Variants in MTHFS observed in about 807,000 individuals in gnomAD.
MTHFS encodes the protein methenyltetrahydrofolate synthetase, also known as 5-formyltetrahydrofolate cyclo-ligase.
A neutral mutation model predicts 12.7 loss-of-function variants in MTHFS; 7 were observed. The ratio of observed to expected loss-of-function variants is 0.55; its 90% CI spans 0.31 to 1.03. The LOEUF is 1.03. Among genes scored for constraint, MTHFS ranks in the 50% least tolerant of loss-of-function variants. MTHFS has a pLI of 0.05. For synonymous variants in MTHFS, 100 were observed against 97.1 expected (o/e 1.03, Z -0.18); for missense variants, 252 against 258.1 (o/e 0.98, Z 0.16).
intron 2 of MTHFS, among the ~76,000 whole-genome samples, chr15:79,868,433 G>T (rs1176210947): frequency 2.0e-5 from 3 of 152,174 alleles, no homozygotes; most frequent in Non-Finnish European, 2.9e-5. Flanking sequence ...ACTATGAAGG[G>T]TTTGGGGAAA....
In MTHFS at chr15:79,844,950, C is replaced by A; in HGVS notation, c.*260G>T. The A allele has an allele frequency of 2.0e-6, 1 of 502,890 alleles. No individual in the cohort carries two copies. Among genetic ancestry groups the A allele is most frequent in the Non-Finnish European group, 3.5e-6 (1 of 287,520 alleles). 31.2% of individuals were successfully genotyped at this position (502,890 alleles called of 1,614,324 possible). A position where few individuals can be genotyped will look rare whatever the true frequency, so the allele number is the denominator to read the frequency against. ...AACTTAAATTGCAAAGTAGACAGAT[C>A]AACTTGTCACATTAACACCAGGAAG... is the stretch of plus-strand genomic sequence containing the variant. On this transcript the variant is annotated 3_prime_UTR_variant, in exon 3 of 3. Coordinates refer to ENST00000258874, the MANE Select transcript of MTHFS (RefSeq NM_006441.4).
intron 2 of MTHFS, among the ~76,000 whole-genome samples, chr15:79,883,356 G>T (rs1423682214): frequency 1.3e-5 from 2 of 152,134 alleles, no homozygotes; most frequent in Non-Finnish European, 2.9e-5. Context: ...GGCACGCTTT[G>T]AATTCAAAAC....
chr15:79,870,086 G>A (rs930955174), intron 2 of MTHFS, among the ~76,000 whole-genome samples: 5 of 152,042 alleles, frequency 3.3e-5, no homozygotes, highest in Admixed American at 3.3e-4. Context: ...TATTAAATTT[G>A]GAAATCAAAA....
intron 1 of MTHFS, 65 bp downstream of exon 1, chr15:79,896,807 A>G (rs1484864384): frequency 4.6e-6 from 7 of 1,532,828 alleles, no homozygotes; most frequent in Non-Finnish European, 5.2e-6. Flanking sequence ...CAGATCAGCA[A>G]TCGCTGGCCG....
chr15:79,876,051 G>A (rs2034189846), intron 2 of MTHFS: 1 of 151,954 alleles, frequency 6.6e-6, no homozygotes, highest in Non-Finnish European at 1.5e-5. Context: ...TGTGCTAACT[G>A]GCTAAGAGCA....
chr15:79,876,739 C>G (rs2034203370), intron 2 of MTHFS: 1 of 151,592 alleles, frequency 6.6e-6, no homozygotes, highest in Non-Finnish European at 1.5e-5. Context: ...GTATCAAACT[C>G]TACAGTTGAA....
intron 2 of MTHFS, among the ~76,000 whole-genome samples, chr15:79,883,041 A>C (rs1294551920): frequency 1.3e-5 from 2 of 152,200 alleles, no homozygotes; most frequent in Non-Finnish European, 2.9e-5. Context: ...GTGTCTCTAC[A>C]AAAAATTTAA....
intron 1 of MTHFS, among the ~76,000 whole-genome samples, chr15:79,892,422 G>A (rs78648617): frequency 0.015 from 2,275 of 152,066 alleles, 20 homozygotes; most frequent in Non-Finnish European, 0.021. Flanking sequence ...TGTCAAAAAA[G>A]GAAAAATAAA....
intron 2 of MTHFS, 122 bp from the exon 3 acceptor site, chr15:79,845,564 A>C: frequency 7.6e-7 from 1 of 1,323,576 alleles, no homozygotes; most frequent in South Asian, 1.5e-5. Context: ...ATGTGTGACC[A>C]TTAATATCCA....
rs546509165 is a variant in MTHFS, at chr15:79,871,006, G to A, written c.379+18087C>T. Among the ~76,000 whole-genome samples the A allele has an allele frequency of 5.9e-5, 9 of 152,244 alleles. No individual in the cohort carries two copies. The East Asian group carries it at 1.7e-3, about 29-fold the overall frequency. On this transcript the variant is annotated intron_variant, in intron 2 of 2. Coordinates refer to ENST00000258874, the MANE Select transcript of MTHFS (RefSeq NM_006441.4). ...AAAATACAAAAAATTAGCTGGGCGT[G>A]GTGGCACATGACTGTAATCCCAGCT... is the stretch of plus-strand genomic sequence containing the variant.
At chr15:79,896,700 A>T in intron 1 of MTHFS, 172 bp downstream of exon 1, 1 of 1,215,274 alleles carries the variant, frequency 8.2e-7, no homozygotes, top group Non-Finnish European at 1.1e-6. Flanking sequence ...AAGAGCGTCC[A>T]GACCACGACT....
intron 2 of MTHFS, among the ~76,000 whole-genome samples, chr15:79,864,213 A>G (rs964348228): frequency 1.3e-5 from 2 of 152,194 alleles, no homozygotes; most frequent in Non-Finnish European, 2.9e-5. Flanking sequence ...GACAAAGGGT[A>G]GCTACTAATA....
Position 79,889,113 on chromosome 15 carries a change from C to A in MTHFS, c.359G>T (p.Arg120Leu). Residue 120 changes from arginine (R) to leucine (L), a missense_variant, in exon 2 of 3, where the codon CGG becomes CTG. Transcript: ENST00000258874. The stretch of plus-strand genomic sequence containing the variant: ...CTCACCTGTGGACAAGGCCTCCTCC[C>A]GAACATCACCCTCACCAGGCTGAGG... ...NIPQPGEGDV[R>L]EEALSTGGLD... 3.1e-6 allele frequency: 5 copies of A among 1,614,132 alleles called. No homozygotes were observed. In the South Asian group the frequency reaches 3.3e-5, roughly 11 times the overall value.
At chr15:79,856,290 A>G (rs1232143819) in intron 2 of MTHFS, among the ~76,000 whole-genome samples, 1 of 152,150 alleles carries the variant, frequency 6.6e-6, no homozygotes, top group Non-Finnish European at 1.5e-5. Flanking sequence ...ATTTTTTCAT[A>G]TGCTTCTTGG....
chr15:79,896,775 C>T, intron 1 of MTHFS, 97 bp downstream of exon 1: 2 of 1,490,064 alleles, frequency 1.3e-6, no homozygotes, highest in Non-Finnish European at 1.8e-6. Flanking sequence ...GCGCCTAGCC[C>T]AGCGCCAGCA....
intron 1 of MTHFS, among the ~76,000 whole-genome samples, chr15:79,893,620 C>T (rs1262159861): frequency 5.3e-5 from 8 of 151,126 alleles, no homozygotes; most frequent in Non-Finnish European, 1.0e-4. Flanking sequence ...ATGGCATGAA[C>T]CCGGGAAGCA....
At chr15:79,845,653 T>A (rs957376618) in intron 2 of MTHFS, among the ~76,000 whole-genome samples, 1 of 152,192 alleles carries the variant, frequency 6.6e-6, no homozygotes, top group Non-Finnish European at 1.5e-5. Flanking sequence ...CCTCAACAGA[T>A]CTTTTACATA....
chr15:79,849,485 T>A lies in MTHFS; in HGVS notation c.380-4043A>T, dbSNP rs112605920. 6.0e-4 allele frequency among the ~76,000 whole-genome samples: 91 copies of A among 152,254 alleles called. 1 individual carries two copies. Among genetic ancestry groups the A allele is most frequent in the African/African-American group, 2.0e-3 (85 of 41,552 alleles). On this transcript the variant is annotated intron_variant, in intron 2 of 2. Transcript: ENST00000258874. The stretch of plus-strand genomic sequence containing the variant: ...ACAGCTCAGTGGGGCTTAAAAATCA[T>A]GCAGAGGCTCAACAAGCTTCCCTCA...
intron 2 of MTHFS, among the ~76,000 whole-genome samples, chr15:79,880,325 C>T (rs1202421539): frequency 6.6e-6 from 1 of 152,026 alleles, no homozygotes; most frequent in Non-Finnish European, 1.5e-5. Context: ...TGTGATCCGC[C>T]TTCCTCAGCC....
Sources: gnomAD v4.1 joint callset for allele counts (sites outside exome capture counted in the v4.1 genomes callset) on GRCh38, gnomAD v4.1.1 for gene constraint, MANE v1.5 for transcripts, NCBI Gene and HGNC (gene_info 2026-07-23, HGNC 2026-07-21) for gene names.